The following EGFR variants were observed in gnomAD, a reference collection of about 807,000 sequenced individuals.
EGFR encodes avian erythroblastic leukemia viral (v-erb-b) oncogene homolog.
Under a neutral mutation model 143.0 loss-of-function variants are expected in EGFR, and 58 were observed. The observed-to-expected ratio is 0.41, with a 90% CI of 0.33 to 0.50. EGFR has a LOEUF of 0.50. Among genes scored for constraint, EGFR ranks in the 20% least tolerant of loss-of-function variants. The pLI is 0.39. For synonymous variants in EGFR, 613 were observed against 594.4 expected, an observed-to-expected ratio of 1.03 and a Z score of -0.45; for missense variants, 1,307 against 1,579.0, an observed-to-expected ratio of 0.83 and a Z score of 2.92.
intron 1 of EGFR, among the ~76,000 whole-genome samples, chr7:55,129,065 T>A (rs1793691230): frequency 6.6e-6 from 1 of 152,230 alleles, no homozygotes; most frequent in African/African-American, 2.4e-5. Context: ...AACAAAATGT[T>A]TGTGCTGTTC....
chr7:55,087,234 A>G (rs1790817420), intron 1 of EGFR, among the ~76,000 whole-genome samples: 1 of 143,770 alleles, frequency 7.0e-6, no homozygotes, highest in Middle Eastern at 3.5e-3. Context: ...CTTCAGGCTC[A>G]CACCATTTTA....
At chr7:55,090,360 T>C (rs1055943929) in intron 1 of EGFR, among the ~76,000 whole-genome samples, 1 of 152,140 alleles carries the variant, frequency 6.6e-6, no homozygotes, top group Non-Finnish European at 1.5e-5. Flanking sequence ...AAGCTGGCAG[T>C]ACAAAGGCCA....
chr7:55,074,999 C>G (rs1790054742), intron 1 of EGFR, among the ~76,000 whole-genome samples: 1 of 152,160 alleles, frequency 6.6e-6, no homozygotes, highest in Non-Finnish European at 1.5e-5. Flanking sequence ...ACTAAAATAA[C>G]TCACAATACC....
intron 1 of EGFR, among the ~76,000 whole-genome samples, chr7:55,092,330 C>G (rs1350249433): frequency 1.3e-5 from 2 of 152,212 alleles, no homozygotes; most frequent in Non-Finnish European, 2.9e-5. Context: ...GGGTGGCTCC[C>G]TGTCAGGTTG....
chr7:55,049,898 T>A (rs1788388874), intron 1 of EGFR, among the ~76,000 whole-genome samples: 1 of 152,122 alleles, frequency 6.6e-6, no homozygotes, highest in South Asian at 2.1e-4. Context: ...TGACCTCACA[T>A]CTGTGGGCTC....
intron 17 of EGFR, 88 bp downstream of exon 17, chr7:55,173,212 G>A (rs780120920): frequency 2.6e-6 from 4 of 1,553,258 alleles, no homozygotes; most frequent in Admixed American, 3.4e-5. Context: ...TAGCAGTTGT[G>A]TATGTTAGAT....
chr7:55,072,142 G>C (rs1050355449), intron 1 of EGFR, among the ~76,000 whole-genome samples: 4 of 150,988 alleles, frequency 2.6e-5, no homozygotes, highest in Non-Finnish European at 5.9e-5. Flanking sequence ...AGGGAAGTAA[G>C]TTAAATGCAC....
At chr7:55,035,620 G>A (rs546322848) in intron 1 of EGFR, among the ~76,000 whole-genome samples, 5 of 151,356 alleles carry the variant, frequency 3.3e-5, no homozygotes, top group Admixed American at 3.3e-4. Flanking sequence ...AGGAAGCAGA[G>A]GTTGCAGTGA....
At chr7:55,091,237 G>T (rs887349427) in intron 1 of EGFR, among the ~76,000 whole-genome samples, 1 of 152,208 alleles carries the variant, frequency 6.6e-6, no homozygotes, top group Non-Finnish European at 1.5e-5. Flanking sequence ...GAATGAAAAG[G>T]ATCAGTCATG....
intron 1 of EGFR, among the ~76,000 whole-genome samples, chr7:55,100,067 C>G (rs568700855): frequency 6.6e-6 from 1 of 152,334 alleles, no homozygotes; most frequent in South Asian, 2.1e-4. Context: ...TCAGTGGTGG[C>G]CACTCTGAAT....
intron 1 of EGFR, among the ~76,000 whole-genome samples, chr7:55,070,664 G>A (rs752807998): frequency 3.3e-5 from 5 of 152,134 alleles, no homozygotes; most frequent in South Asian, 2.1e-4. Flanking sequence ...ATTTGCAAAC[G>A]GCCCTGAGTC....
chr7:55,126,760 G>A (rs1793546507), intron 1 of EGFR, among the ~76,000 whole-genome samples: 1 of 152,160 alleles, frequency 6.6e-6, no homozygotes, highest in Non-Finnish European at 1.5e-5. Flanking sequence ...GGATATACAT[G>A]AATTAGAAAA....
At chr7:55,201,062 G>T in intron 24 of EGFR, 126 bp from the exon 25 acceptor site, 1 of 1,179,260 alleles carries the variant, frequency 8.5e-7, no homozygotes, top group South Asian at 1.3e-5. Flanking sequence ...AACCAAGGGG[G>T]ATTTCATTAT....
intron 4 of EGFR, among the ~76,000 whole-genome samples, chr7:55,148,117 G>A (rs1049052401): frequency 6.6e-6 from 1 of 152,106 alleles, no homozygotes; most frequent in African/African-American, 2.4e-5. Flanking sequence ...TTGTTTTATA[G>A]ACATATTATT....
chr7:55,143,626 T>C, intron 3 of EGFR, 138 bp downstream of exon 3: 1 of 934,100 alleles, frequency 1.1e-6, no homozygotes, highest in African/African-American at 1.6e-5. Flanking sequence ...GAGTGCCGGC[T>C]GTGTGTAAGA....
At chr7:55,143,615 T>G in intron 3 of EGFR, 127 bp downstream of exon 3, 2 of 1,012,182 alleles carry the variant, frequency 2.0e-6, no homozygotes, top group Non-Finnish European at 1.5e-6. Context: ...ACACGTGCAC[T>G]GAGTGCCGGC....
At chr7:55,035,686 GAAA>G (rs35456043) in intron 1 of EGFR, among the ~76,000 whole-genome samples, 3 of 117,986 alleles carry the variant, frequency 2.5e-5, no homozygotes, top group African/African-American at 3.0e-5. Context: ...CTCTGTCTCG[GAAA>G]AAAAAAAAAA....
intron 20 of EGFR, among the ~76,000 whole-genome samples, chr7:55,187,751 C>T (rs944660056): frequency 3.3e-5 from 5 of 151,806 alleles, no homozygotes; most frequent in African/African-American, 1.2e-4. Context: ...TCATCAGATC[C>T]GTAGTTTCAG....
chr7:55,176,839 TATTTA>T (rs1343470225), intron 19 of EGFR, among the ~76,000 whole-genome samples: 5 of 146,696 alleles, frequency 3.4e-5, no homozygotes, highest in Non-Finnish European at 6.0e-5. Flanking sequence ...GAGAGATATA[TATTTA>T]GAGAGATATA....
Sources: gnomAD v4.1 joint callset for allele counts (sites outside exome capture counted in the v4.1 genomes callset) on GRCh38, gnomAD v4.1.1 for gene constraint, MANE v1.5 for transcripts, NCBI Gene and HGNC (gene_info 2026-07-23, HGNC 2026-07-21) for gene names.